TRPV3: variants seen among roughly 807,000 people sequenced by gnomAD.
The protein encoded by TRPV3 is transient receptor potential cation channel subfamily V member 3.
In TRPV3, 88 loss-of-function variants were observed where a neutral mutation model predicts 87.1. That is an observed-to-expected ratio of 1.01 (90% CI 0.85 to 1.21). The LOEUF is 1.21. Among genes scored for constraint, TRPV3 ranks in the 50% most tolerant of loss-of-function variants. The pLI is 0.00. For missense variants in TRPV3, 1,054 were observed against 1,030.1 expected, an observed-to-expected ratio of 1.02 and a Z score of -0.32; for synonymous variants, 438 against 423.3, an observed-to-expected ratio of 1.03 and a Z score of -0.43.
chr17:3,531,307 T>C (rs2074347410), intron 8 of TRPV3, among the ~76,000 whole-genome samples: 1 of 152,134 alleles, frequency 6.6e-6, no homozygotes, highest in Non-Finnish European at 1.5e-5. Flanking sequence ...AGGAAGGGAC[T>C]GTTGGGAAGG....
chr17:3,524,931 A>G (rs2074282179), intron 12 of TRPV3, among the ~76,000 whole-genome samples: 1 of 152,218 alleles, frequency 6.6e-6, no homozygotes, highest in African/African-American at 2.4e-5. Flanking sequence ...ATTTTTAACC[A>G]AAATGACAAA....
At position 3,530,027 on chromosome 17, in the gene TRPV3, G is replaced by A. The variant is rs779350392; in HGVS notation, c.1242C>T (p.Asp414=). The change falls in exon 9 of 18, where the codon GAC becomes GAT. Residue 414 remains aspartate, a splice_region_variant and synonymous_variant. Transcript: ENST00000576742. The surrounding 1 kb of genome is among the most constrained non-coding windows in gnomAD (Gnocchi z 4.0). ...TTCCCCGCCTGTGCAGGAGACCCAC[G>A]TCGATGTTGGTGTTGTAGACAGTGA... ...LEITVYNTNI[D]NRHEMLTLEP... 35 of 1,611,316 alleles carry A rather than the reference G, an allele frequency of 2.2e-5. No homozygotes were observed. Among genetic ancestry groups the A allele is most frequent in the Middle Eastern group, 1.7e-4 (1 of 6,050 alleles).
At chr17:3,553,760 T>A (rs922513260) in intron 2 of TRPV3, 2 of 152,416 alleles carry the variant, frequency 1.3e-5, no homozygotes, top group Non-Finnish European at 2.9e-5. Context: ...TTTCTCTCCA[T>A]GTCCCAAACT....
At chr17:3,515,281 G>A (rs2074168298) in intron 16 of TRPV3, among the ~76,000 whole-genome samples, 1 of 152,196 alleles carries the variant, frequency 6.6e-6, no homozygotes, top group Non-Finnish European at 1.5e-5. Flanking sequence ...TCAGAGAAGT[G>A]GGTTAAGGTA....
chr17:3,529,074 C>A, intron 9 of TRPV3, 79 bp from the exon 10 acceptor site: 1 of 1,518,222 alleles, frequency 6.6e-7, no homozygotes, highest in South Asian at 1.1e-5. Context: ...TGCGGGAGCT[C>A]TGAGTCAGTG....
At chr17:3,543,399 G>A (rs1173497203) in intron 5 of TRPV3, 75 bp downstream of exon 5, 2 of 1,575,812 alleles carry the variant, frequency 1.3e-6, no homozygotes, top group Non-Finnish European at 1.7e-6. Flanking sequence ...GGGTTGGTGA[G>A]GGGAGGGGAA....
chr17:3,546,750 G>A (rs1259160266), intron 2 of TRPV3: 6 of 451,028 alleles, frequency 1.3e-5, no homozygotes, highest in Admixed American at 1.2e-4. Context: ...GGTCAAAGTG[G>A]GCAGATCAGT....
chr17:3,511,448 CA>C lies in TRPV3; in HGVS notation c.*2468del, dbSNP rs1165999283. The C allele has an allele frequency of 2.6e-5, 4 of 152,236 alleles. No individual in the cohort carries two copies. The highest frequency in any genetic ancestry group is 4.4e-5 in the Non-Finnish European group (3 of 68,066). The allele number at this position is 152,236 out of a possible 1,614,324, so 9.4% of individuals were successfully genotyped here. A position where few individuals can be genotyped will look rare whatever the true frequency, so the allele number is the denominator to read the frequency against. On this transcript the variant is annotated 3_prime_UTR_variant, in exon 18 of 18. Transcript: ENST00000576742. ...TATGACCTTCCTGCATGACTTTGCC[CA>C]AGTACACATTCCTCTCGGAGCATTA... is the stretch of plus-strand genomic sequence containing the variant.
chr17:3,535,186 T>TTCTCCCTCTC (rs1555545107), intron 7 of TRPV3, among the ~76,000 whole-genome samples: 3 of 77,886 alleles, frequency 3.9e-5, no homozygotes, highest in Admixed American at 1.5e-4. Flanking sequence ...CCTCCTCCCT[T>TTCTCCCTCTC]CCTCCCTCTC....
chr17:3,549,701 T>TCATGGATG (rs1555546449), intron 2 of TRPV3, among the ~76,000 whole-genome samples: 2 of 147,856 alleles, frequency 1.4e-5, no homozygotes, highest in Non-Finnish European at 3.0e-5. Context: ...AGTGGATGGA[T>TCATGGATG]GATGGATGGA....
chr17:3,519,512 A>ATG (rs2074218318), intron 14 of TRPV3, among the ~76,000 whole-genome samples: 6 of 56,550 alleles, frequency 1.1e-4, no homozygotes, highest in African/African-American at 4.4e-4. Context: ...ATGGGTGATT[A>ATG]GATGGATGGA....
chr17:3,529,020 C>T, intron 9 of TRPV3, 25 bp from the exon 10 acceptor site: 1 of 1,613,858 alleles, frequency 6.2e-7, no homozygotes, highest in Non-Finnish European at 8.5e-7. Context: ...CCACCAGTCA[C>T]CATGGAGATG....
chr17:3,522,390 C>T (rs1349985691), intron 13 of TRPV3, among the ~76,000 whole-genome samples: 1 of 152,164 alleles, frequency 6.6e-6, no homozygotes, highest in South Asian at 2.1e-4. Flanking sequence ...AAATATTACA[C>T]ACAATACAAT....
intron 2 of TRPV3, chr17:3,552,208 T>C (rs2074582541): frequency 7.0e-6 from 1 of 141,944 alleles, no homozygotes; most frequent in Admixed American, 7.1e-5. Context: ...TCTTTTCTTT[T>C]TTGAGACAAG....
intron 2 of TRPV3, among the ~76,000 whole-genome samples, chr17:3,547,312 G>A (rs2074536057): frequency 1.3e-5 from 2 of 152,216 alleles, no homozygotes; most frequent in South Asian, 4.1e-4. Context: ...TGTCACAGCA[G>A]AAAATGGGCT....
intron 16 of TRPV3, among the ~76,000 whole-genome samples, chr17:3,515,026 C>T (rs1468171079): frequency 6.6e-6 from 1 of 152,060 alleles, no homozygotes; most frequent in Non-Finnish European, 1.5e-5. Flanking sequence ...GCCCGGGCCA[C>T]GAGGGTGTGA....
chr17:3,549,246 T>C (rs1007479081), intron 2 of TRPV3, among the ~76,000 whole-genome samples: 16 of 152,212 alleles, frequency 1.1e-4, no homozygotes, highest in African/African-American at 3.9e-4. Flanking sequence ...TTGCATTTAC[T>C]CAACAAATAT....
At chr17:3,525,054 C>CTGT (rs2074283893) in intron 12 of TRPV3, among the ~76,000 whole-genome samples, 1 of 152,180 alleles carries the variant, frequency 6.6e-6, no homozygotes, top group Admixed American at 6.5e-5. Context: ...GGGTCTTGCT[C>CTGT]TGTCACCTAG....
intron 13 of TRPV3, among the ~76,000 whole-genome samples, chr17:3,523,374 CTT>C (rs1434027435): frequency 2.0e-5 from 3 of 152,178 alleles, no homozygotes; most frequent in Non-Finnish European, 4.4e-5. Flanking sequence ...TGATAGCACT[CTT>C]TTGTCAATTG....
Sources: gnomAD v4.1 joint callset for allele counts (sites outside exome capture counted in the v4.1 genomes callset) on GRCh38, gnomAD v4.1.1 for gene constraint, Gnocchi (gnomAD v3.1) non-coding constraint, MANE v1.5 for transcripts, NCBI Gene and HGNC (gene_info 2026-07-23, HGNC 2026-07-21) for gene names.